ATP2A2: variants seen among roughly 807,000 people sequenced by gnomAD.
ATP2A2 encodes sarcoplasmic/endoplasmic reticulum calcium ATPase 2.
A neutral mutation model predicts 109.3 loss-of-function variants in ATP2A2; 14 were observed. That is an observed-to-expected ratio of 0.13 (90% CI 0.08 to 0.20). The LOEUF is 0.20. ATP2A2 is among the 10% of genes least tolerant of loss of function. The pLI, the probability that ATP2A2 is intolerant of heterozygous loss-of-function variation, is 1.00. For missense variants in ATP2A2, 657 were observed against 1,321.6 expected (o/e 0.50, Z 7.80); for synonymous variants, 506 against 490.9 (o/e 1.03, Z -0.41).
chr12:110,314,576 A>G (rs1247948515), intron 5 of ATP2A2, among the ~76,000 whole-genome samples: 1 of 152,214 alleles, frequency 6.6e-6, no homozygotes, highest in African/African-American at 2.4e-5. Context: ...TGGTTGTGAA[A>G]TACTGTGGCC....
intron 3 of ATP2A2, 29 bp from the exon 4 acceptor site, chr12:110,291,991 C>G (rs1873366281): frequency 6.3e-7 from 1 of 1,584,872 alleles, no homozygotes. Context: ...CCTAAAAAGA[C>G]ACATTCTAAC....
chr12:110,340,946 G>A lies in ATP2A2; in HGVS notation c.2049G>A (p.Lys683=). ...TTGCTCGAGTTGAACCCTCCCACAA[G>A]TCTAAAATCGTAGAATTTCTTCAGT... ...RCFARVEPSH[K]SKIVEFLQSF... is the part of the protein sequence containing the mutation. The change falls in exon 14 of 20, where the codon AAG becomes AAA. Residue 683 remains lysine (K), a synonymous_variant. Transcript: ENST00000539276. This position sits in a 1 kb window ranked among gnomAD's most constrained non-coding sequence, Gnocchi z 6.0. 5 of 1,614,208 alleles carry A rather than the reference G, an allele frequency of 3.1e-6. No individual in the cohort carries two copies. The highest frequency in any genetic ancestry group is 4.2e-6 in the Non-Finnish European group (5 of 1,180,042).
intron 5 of ATP2A2, among the ~76,000 whole-genome samples, chr12:110,315,450 G>A (rs1350727058): frequency 6.6e-6 from 1 of 152,080 alleles, no homozygotes; most frequent in African/African-American, 2.4e-5. Flanking sequence ...TTTGTCTGTT[G>A]TGTATGTTAG....
In ATP2A2 at chr12:110,348,729, C is replaced by T; in HGVS notation, c.*2259C>T. ...AAAAAAATCAGCCTTACTGTGAAGC[C>T]TCCAAGGCTGCTCGCAGGCAGCTGT... On this transcript the variant is annotated 3_prime_UTR_variant, in exon 20 of 20. Transcript: ENST00000539276. 1.0e-6 allele frequency: 1 copy of T among 985,442 alleles called. No individual in the cohort carries two copies. The allele number at this position is 985,442 out of a possible 1,614,324, so 61.0% of individuals were successfully genotyped here. A position where few individuals can be genotyped will look rare whatever the true frequency, so the allele number is the denominator to read the frequency against.
chr12:110,291,026 A>G (rs574404561), intron 3 of ATP2A2, among the ~76,000 whole-genome samples: 1 of 151,962 alleles, frequency 6.6e-6, no homozygotes, highest in South Asian at 2.1e-4. Flanking sequence ...CTCCTGCCTC[A>G]GCCTCCTGAG....
intron 8 of ATP2A2, among the ~76,000 whole-genome samples, chr12:110,329,237 C>G (rs1592847462): frequency 6.6e-6 from 1 of 152,102 alleles, no homozygotes; most frequent in South Asian, 2.1e-4. Flanking sequence ...GGATAGTTAA[C>G]CTGTGTTGTT....
intron 6 of ATP2A2, chr12:110,325,726 T>C: frequency 6.5e-6 from 1 of 154,904 alleles, no homozygotes; most frequent in East Asian, 1.9e-4. Context: ...CCCACACCTG[T>C]AATTCCAGCA....
intron 5 of ATP2A2, among the ~76,000 whole-genome samples, chr12:110,307,360 T>C (rs1452515621): frequency 2.6e-5 from 4 of 151,928 alleles, no homozygotes. Context: ...CCTTCCAGGT[T>C]AGCTGGGACT....
intron 5 of ATP2A2, among the ~76,000 whole-genome samples, chr12:110,313,246 T>C (rs1402917450): frequency 6.6e-6 from 1 of 151,974 alleles, no homozygotes; most frequent in Non-Finnish European, 1.5e-5. Flanking sequence ...CTTTTCATTC[T>C]TGCTACTGAG....
intron 5 of ATP2A2, among the ~76,000 whole-genome samples, chr12:110,310,961 T>C (rs1445336569): frequency 6.6e-6 from 1 of 152,242 alleles, no homozygotes; most frequent in Non-Finnish European, 1.5e-5. Flanking sequence ...ACCTGGATTA[T>C]GATCCTAGTT....
At chr12:110,312,230 C>T (rs1263467321) in intron 5 of ATP2A2, among the ~76,000 whole-genome samples, 1 of 152,016 alleles carries the variant, frequency 6.6e-6, no homozygotes, top group Non-Finnish European at 1.5e-5. Flanking sequence ...AGATTTTGCA[C>T]ACTGCTTAGA....
intron 3 of ATP2A2, among the ~76,000 whole-genome samples, chr12:110,287,671 G>C (rs1872801990): frequency 6.6e-6 from 1 of 152,058 alleles, no homozygotes; most frequent in South Asian, 2.1e-4. Context: ...TTGGAGTGCA[G>C]TGGTGCGATC....
chr12:110,285,915 CTTT>C (rs371107246), intron 3 of ATP2A2, among the ~76,000 whole-genome samples: 8 of 120,576 alleles, frequency 6.6e-5, no homozygotes, highest in African/African-American at 6.2e-5. Context: ...TGAGTTAGTG[CTTT>C]TTTTTTTTTT....
Position 110,326,427 on chromosome 12 carries a change from C to A in ATP2A2, c.582C>A (p.Val194=). The stretch of plus-strand genomic sequence containing the variant: ...CTGTCATCAAGCACACTGATCCCGT[C>A]CCTGACCCACGAGCTGTCAACCAAG... ...SVSVIKHTDP[V]PDPRAVNQDK... is the part of the protein sequence containing the mutation. The change falls in exon 7 of 20, where the codon GTC becomes GTA. Residue 194 remains valine (V), a synonymous_variant. Coordinates refer to ENST00000539276, the MANE Select transcript of ATP2A2 (RefSeq NM_170665.4). The A allele has an allele frequency of 6.2e-7, 1 of 1,614,110 alleles. No homozygotes were observed.
upstream of ATP2A2, chr12:110,281,078 G>GAGGGGGCGGGGCCTGCGCGGC (rs1373804588): frequency 1.3e-5 from 2 of 150,736 alleles, no homozygotes; most frequent in African/African-American, 2.4e-5. Flanking sequence ...CGGCGCGCGG[G>GAGGGGGCGGGGCCTGCGCGGC]AGGGGGCGGG....
intron 3 of ATP2A2, among the ~76,000 whole-genome samples, chr12:110,288,777 GTA>G (rs1400869420): frequency 6.6e-6 from 1 of 152,132 alleles, no homozygotes; most frequent in Non-Finnish European, 1.5e-5. Context: ...CCTTGTATAA[GTA>G]TACTTTGTAT....
chr12:110,323,381 T>G (rs1419569973), intron 6 of ATP2A2, among the ~76,000 whole-genome samples: 2 of 152,154 alleles, frequency 1.3e-5, no homozygotes, highest in African/African-American at 4.8e-5. Context: ...GATGGGGTTT[T>G]ACCTTGTTGG....
chr12:110,286,079 A>G (rs1872633017), intron 3 of ATP2A2, among the ~76,000 whole-genome samples: 1 of 151,866 alleles, frequency 6.6e-6, no homozygotes, highest in Admixed American at 6.6e-5. Flanking sequence ...GTCCACCACC[A>G]CGCCCGGCTA....
Position 110,347,329 on chromosome 12 carries a change from G to A in ATP2A2, c.*859G>A. 9.4e-6 allele frequency: 12 copies of A among 1,283,004 alleles called. No homozygotes were observed. Among genetic ancestry groups the A allele is most frequent in the Admixed American group, 4.6e-5 (2 of 43,112 alleles). The allele number at this position is 1,283,004 out of a possible 1,614,324, so 79.5% of individuals were successfully genotyped here. The stretch of plus-strand genomic sequence containing the variant: ...TTTAAATGGACAGAGAAAAATAACT[G>A]TCTTGTCTTTAACTCGTAAGTGGCT... On this transcript the variant is annotated 3_prime_UTR_variant, in exon 20 of 20. Coordinates refer to ENST00000539276, the MANE Select transcript of ATP2A2 (RefSeq NM_170665.4).
Sources: allele counts gnomAD v4.1 joint callset (sites outside exome capture counted in the v4.1 genomes callset), GRCh38; gene constraint gnomAD v4.1.1; non-coding constraint Gnocchi (gnomAD v3.1); transcripts MANE v1.5; gene names NCBI Gene and HGNC (gene_info 2026-07-23, HGNC 2026-07-21).